AGL: variants seen among roughly 807,000 people sequenced by gnomAD.
The protein encoded by AGL is glycogen debranching enzyme.
AGL carries 128 observed loss-of-function variants against 199.3 expected under a neutral mutation model. The ratio of observed to expected loss-of-function variants is 0.64; its 90% CI spans 0.56 to 0.74. The LOEUF (loss-of-function observed/expected upper bound fraction) is 0.74, where lower values mean the gene tolerates loss of function less well. Among genes scored for constraint, AGL ranks in the 30% least tolerant of loss-of-function variants. AGL has a pLI of 0.00. For missense variants in AGL, 1,809 were observed against 1,820.8 expected (o/e 0.99, Z 0.12); for synonymous variants, 584 against 594.7 (o/e 0.98, Z 0.26).
rs1321169493 is a variant in AGL at position 99,857,050 on chromosome 1, C to T, written c.83-4453C>T. 7.4e-5 allele frequency among the ~76,000 whole-genome samples: 11 copies of T among 148,416 alleles called. No individual in the cohort carries two copies. In the South Asian group the frequency reaches 1.1e-3, roughly 14 times the overall value. On this transcript the variant is annotated intron_variant, in intron 2 of 33. Transcript: ENST00000361915. ...GGCGCCCCTCACCTCCCGGATGGGGCGGCTGGCCGGGCAGGGGGCTGACCC... is the reference window on the plus strand; with the variant it reads ...GGCGCCCCTCACCTCCCGGATGGGGTGGCTGGCCGGGCAGGGGGCTGACCC...
In AGL at chr1:99,896,280, T is replaced by G. The variant is rs202158810; in HGVS notation, c.3260-6T>G. 6.8e-6 allele frequency: 11 copies of G among 1,608,390 alleles called. No individual in the cohort carries two copies. Among genetic ancestry groups the G allele is most frequent in the Admixed American group, 3.3e-5 (2 of 59,996 alleles). ...ACATATTACTTTGTTGTGTTTTTTT[T>G]GTTAGGCTTACCTCATTTTTCTTCT... On this transcript the variant is annotated splice_region_variant and splice_polypyrimidine_tract_variant and intron_variant, in intron 24 of 33. Coordinates refer to ENST00000361915, the MANE Select transcript of AGL (RefSeq NM_000642.3).
intron 22 of AGL, 105 bp from the exon 23 acceptor site, chr1:99,891,501 G>A (rs922015922): frequency 5.8e-5 from 88 of 1,519,266 alleles, no homozygotes; most frequent in Middle Eastern, 2.1e-4. Flanking sequence ...AATGGAAATC[G>A]GGTTTATAGA....
At chr1:99,862,757 T>C (rs567447398) in intron 4 of AGL, among the ~76,000 whole-genome samples, 1 of 152,220 alleles carries the variant, frequency 6.6e-6, no homozygotes, top group East Asian at 1.9e-4. Flanking sequence ...TCACTCACTA[T>C]CATGAGAACA....
rs778333621 is a variant in AGL, at chr1:99,884,590, A to G, written c.2568A>G (p.Ala856=). 2 of 1,613,880 alleles carry G rather than the reference A, an allele frequency of 1.2e-6. No individual in the cohort carries two copies. The highest frequency in any genetic ancestry group is 2.7e-5 in the African/African-American group (2 of 74,940). The change falls in exon 20 of 34, where the codon GCA becomes GCG. Residue 856 remains alanine (A), a synonymous_variant. Transcript: ENST00000361915. ...TCAGAGTTAGTCTTGATCCACATGC[A>G]CAAGTCGCTGTTGGAATTCTTCGAA... ...IIFRVSLDPH[A]QVAVGILRNH...
chr1:99,854,228 G>A (rs1290613835), intron 2 of AGL, among the ~76,000 whole-genome samples: 2 of 152,062 alleles, frequency 1.3e-5, no homozygotes, highest in Non-Finnish European at 2.9e-5. Flanking sequence ...AAATCTGTGA[G>A]GATAGGGACA....
intron 12 of AGL, among the ~76,000 whole-genome samples, chr1:99,878,844 A>G (rs1470411841): frequency 6.6e-6 from 1 of 152,198 alleles, no homozygotes; most frequent in Non-Finnish European, 1.5e-5. Flanking sequence ...TGACGGCTTT[A>G]TTTTATTGTG....
intron 26 of AGL, among the ~76,000 whole-genome samples, chr1:99,902,250 A>G (rs1416374779): frequency 6.6e-6 from 1 of 152,180 alleles, no homozygotes; most frequent in African/African-American, 2.4e-5. Context: ...TATTTTCCAA[A>G]GTCATTATGG....
chr1:99,861,133 GAGA>G (rs1020673034), intron 2 of AGL: 1 of 1,073,890 alleles, frequency 9.3e-7, no homozygotes, highest in Non-Finnish European at 1.2e-6. Flanking sequence ...AAAAATACTA[GAGA>G]AGGTCTCTCC....
chr1:99,912,583 T>A, intron 29 of AGL, 66 bp downstream of exon 29: 1 of 1,159,930 alleles, frequency 8.6e-7, no homozygotes, highest in Non-Finnish European at 1.3e-6. Context: ...ACCTATGTAA[T>A]CATCATTTGA....
chr1:99,891,731 G>C lies in AGL; in HGVS notation c.3075G>C (p.Gln1025His). Reference protein sequence around the residue: ...YTTLLDTAWKQMSSFVQNGST... With the variant: ...YTTLLDTAWKHMSSFVQNGST... ...CTCTTCTGGATACAGCATGGAAGCA[G>C]ATGTCAAGGTATATCCAACAAAGCT... Residue 1025 changes from glutamine (Q) to histidine (H), a missense_variant, in exon 23 of 34, where the codon CAG becomes CAC. Gln to His is a conservative substitution (Grantham distance 24, BLOSUM62 0). Transcript: ENST00000361915. The C allele has an allele frequency of 6.2e-7, 1 of 1,613,470 alleles. No individual in the cohort carries two copies. The highest frequency in any genetic ancestry group is 8.5e-7 in the Non-Finnish European group (1 of 1,179,576).
chr1:99,858,766 A>C (rs1415763767), intron 2 of AGL, among the ~76,000 whole-genome samples: 2 of 152,084 alleles, frequency 1.3e-5, no homozygotes, highest in East Asian at 1.9e-4. Flanking sequence ...AGATATTATC[A>C]ATATTAATTT....
At position 99,880,419 on chromosome 1, in the gene AGL, C is replaced by T. The variant is rs12035706; in HGVS notation, c.1736-213C>T. Among the ~76,000 whole-genome samples the T allele has an allele frequency of 0.061, 9,214 of 152,242 alleles. 367 individuals carry two copies. The highest frequency in any genetic ancestry group is 0.16 in the East Asian group (843 of 5,178). ...CATCCCAGTAAACAACATATGTTCC[C>T]TTTTCCTTACATGAGCCATTTCTCC... On this transcript the variant is annotated intron_variant, in intron 13 of 33. Coordinates refer to ENST00000361915, the MANE Select transcript of AGL (RefSeq NM_000642.3).
In AGL at chr1:99,916,423, T is replaced by C. The variant is rs777134108; in HGVS notation, c.4273T>C (p.Cys1425Arg). 3.1e-6 allele frequency: 5 copies of C among 1,610,508 alleles called. No homozygotes were observed. The East Asian group carries it at 8.9e-5, about 29-fold the overall frequency. Residue 1425 changes from cysteine to arginine, a missense_variant, in exon 32 of 34, where the codon TGT becomes CGT. By Grantham distance (180) the Cys-to-Arg change is radical. Transcript: ENST00000361915. The stretch of plus-strand genomic sequence containing the variant: ...ATCATTTTGCAGTGATATGGTTTAC[T>C]GTGGAATTTATGACAATGCATTAGA... ...KTLDPDDMVY[C>R]GIYDNALDND...
intron 5 of AGL, among the ~76,000 whole-genome samples, chr1:99,869,324 G>A (rs1327631761): frequency 6.6e-6 from 1 of 152,010 alleles, no homozygotes; most frequent in Non-Finnish European, 1.5e-5. Flanking sequence ...TCATCTGAGT[G>A]CTTATTATGG....
chr1:99,869,002 A>C (rs114581562), intron 5 of AGL, among the ~76,000 whole-genome samples: 2,300 of 151,896 alleles, frequency 0.015, 34 homozygotes, highest in Middle Eastern at 0.088. Context: ...TTTTTTAAAA[A>C]TTTTGTAGAG....
intron 28 of AGL, among the ~76,000 whole-genome samples, chr1:99,911,583 A>G (rs1006321650): frequency 4.6e-5 from 7 of 152,126 alleles, no homozygotes; most frequent in African/African-American, 1.4e-4. Flanking sequence ...CCTGGGGACT[A>G]CAGGCGCACA....
intron 2 of AGL, among the ~76,000 whole-genome samples, chr1:99,856,353 TCCC>T: frequency 1.4e-5 from 1 of 73,812 alleles, no homozygotes; most frequent in East Asian, 3.8e-4. Flanking sequence ...CCTCCCTCCC[TCCC>T]TCCCTCCCTT....
intron 27 of AGL, 99 bp downstream of exon 27, chr1:99,902,893 A>G: frequency 1.1e-6 from 1 of 890,130 alleles, no homozygotes; most frequent in Non-Finnish European, 1.8e-6. Flanking sequence ...AAACCTCACG[A>G]TATAATGATT....
In AGL at chr1:99,900,864, A is replaced by G. The variant is rs768429803; in HGVS notation, c.3588+3A>G. On this transcript the variant is annotated splice_donor_region_variant and intron_variant, in intron 26 of 33. Transcript: ENST00000361915. ...CTCCTTTGCCTGCTGGCACACTGGTAAAGATATTTCTTAAAATGTTTTTTT... is the reference window on the plus strand; with the variant it reads ...CTCCTTTGCCTGCTGGCACACTGGTGAAGATATTTCTTAAAATGTTTTTTT... 1.9e-6 allele frequency: 3 copies of G among 1,595,948 alleles called. No homozygotes were observed. The highest frequency in any genetic ancestry group is 1.1e-5 in the South Asian group (1 of 89,674).
Sources: allele counts gnomAD v4.1 joint callset (sites outside exome capture counted in the v4.1 genomes callset), GRCh38; gene constraint gnomAD v4.1.1; transcripts MANE v1.5; gene names NCBI Gene and HGNC (gene_info 2026-07-23, HGNC 2026-07-21).